Variants in POM121C observed in about 807,000 individuals in gnomAD.
POM121C encodes POM121 transmembrane nucleoporin C.
POM121C carries 20 observed loss-of-function variants against 66.4 expected under a neutral mutation model. The ratio of observed to expected loss-of-function variants is 0.30; its 90% CI spans 0.21 to 0.44. The LOEUF (loss-of-function observed/expected upper bound fraction) is 0.44. Among genes scored for constraint, POM121C ranks in the 20% least tolerant of loss-of-function variants. The pLI, the probability that POM121C is intolerant of heterozygous loss-of-function variation, is 1.00. For missense variants in POM121C, 580 were observed against 1,225.7 expected, an observed-to-expected ratio of 0.47 and a Z score of 7.87; for synonymous variants, 286 against 528.0, an observed-to-expected ratio of 0.54 and a Z score of 6.28.
Position 75,422,028 on chromosome 7 carries a change from T to C in POM121C, c.2224A>G (p.Thr742Ala), listed in dbSNP as rs115572784. ...FGNSAAPAPA[T>A]APTPAPASTI... is the part of the protein sequence containing the mutation. The stretch of plus-strand genomic sequence containing the variant: ...GACGCAGGTGCAGGTGTGGGTGCAG[T>C]AGCCGGGGCCGGGGCTGCAGAGTTT... The change falls in exon 13 of 15, where the codon ACT becomes GCT. Residue 742 changes from threonine (T) to alanine (A), a missense_variant. Transcript: ENST00000615331. The C allele has an allele frequency of 5.1e-3, 8,241 of 1,603,442 alleles. 153 individuals carry two copies. The highest frequency in any genetic ancestry group is 0.048 in the East Asian group (2,152 of 44,544).
In POM121C at chr7:75,475,881, A is replaced by G. The variant is rs1423819861; in HGVS notation, c.-457-693T>C. On this transcript the variant is annotated intron_variant, in intron 1 of 14. Transcript: ENST00000615331. ...AGATTAGGCTTCACAGACTCAGTTA[A>G]CTTGAAGTCCTTAAAGATGAATTGT... is the stretch of plus-strand genomic sequence containing the variant. Among the ~76,000 whole-genome samples the G allele has an allele frequency of 1.7e-4, 26 of 152,144 alleles. 1 individual carries two copies. Among genetic ancestry groups the G allele is most frequent in the Non-Finnish European group, 7.4e-5 (5 of 68,022 alleles).
chr7:75,443,199 T>C (rs587695760), intron 3 of POM121C, among the ~76,000 whole-genome samples: 40 of 152,362 alleles, frequency 2.6e-4, no homozygotes, highest in South Asian at 4.1e-4. Flanking sequence ...GGCCCAGATA[T>C]CGGGTGGATT....
chr7:75,426,797 C>CAAAAAAAAAAA (rs543569250), intron 7 of POM121C, among the ~76,000 whole-genome samples: 1 of 61,106 alleles, frequency 1.6e-5, no homozygotes, highest in African/African-American at 5.8e-5. Context: ...GACCCTGTCT[C>CAAAAAAAAAAA]AAAAAAAAAA....
At position 75,418,457 on chromosome 7, in the gene POM121C, G is replaced by T. The variant is rs1396517872; in HGVS notation, c.*339C>A. ...GCCCCCTCCAGCGACGACGGCTCTCGGGGAAAGGTGGAAGGGGCGCCTGCC... is the reference window on the plus strand; with the variant it reads ...GCCCCCTCCAGCGACGACGGCTCTCTGGGAAAGGTGGAAGGGGCGCCTGCC... On this transcript the variant is annotated 3_prime_UTR_variant, in exon 15 of 15. Transcript: ENST00000615331. The T allele has an allele frequency of 9.5e-6, 10 of 1,055,144 alleles. No individual in the cohort carries two copies. Among genetic ancestry groups the T allele is most frequent in the African/African-American group, 3.4e-5 (2 of 59,306 alleles). 65.4% of individuals were successfully genotyped at this position (1,055,144 alleles called of 1,614,324 possible). A position where few individuals can be genotyped will look rare whatever the true frequency, so the allele number is the denominator to read the frequency against.
intron 13 of POM121C, chr7:75,421,147 G>T: frequency 2.7e-6 from 1 of 370,122 alleles, no homozygotes; most frequent in Non-Finnish European, 4.9e-6. Flanking sequence ...CTAATTTTTT[G>T]GTATTTTTAG....
intron 3 of POM121C, among the ~76,000 whole-genome samples, chr7:75,465,895 C>CAAAAAAAA (rs35108311): frequency 6.6e-5 from 1 of 15,222 alleles, no homozygotes; most frequent in Non-Finnish European, 1.1e-4. Context: ...CACCCTGTCT[C>CAAAAAAAA]AAAAAAAAAA....
At chr7:75,479,541 A>G (rs10252236) in intron 1 of POM121C, among the ~76,000 whole-genome samples, 3,892 of 135,326 alleles carry the variant, frequency 0.029, 167 homozygotes, top group African/African-American at 0.074. Flanking sequence ...ACTTGAACCC[A>G]GGAGGCAGAG....
At position 75,421,520 on chromosome 7, in the gene POM121C, G is replaced by C. The variant is rs1159678295; in HGVS notation, c.2732C>G (p.Pro911Arg). 9 of 1,610,846 alleles carry C rather than the reference G, an allele frequency of 5.6e-6. No homozygotes were observed. The highest frequency in any genetic ancestry group is 4.4e-4 in the Middle Eastern group (2 of 4,560). Reference sequence around the variant, plus strand: ...ACGCCCCTCCTTACCTCCAAACACAGGTTTGCTCTCAGTTGTGCTGCCCAC... The same window carrying C: ...ACGCCCCTCCTTACCTCCAAACACACGTTTGCTCTCAGTTGTGCTGCCCAC... The part of the protein sequence containing the change: ...FNVGSTTESK[P>R]VFGGTATPTF... Residue 911 changes from proline to arginine, a missense_variant, in exon 13 of 15, where the codon CCT becomes CGT. Pro to Arg is a moderately radical substitution (Grantham distance 103). Transcript: ENST00000615331.
intron 1 of POM121C, among the ~76,000 whole-genome samples, chr7:75,478,299 G>A (rs1467649953): frequency 1.3e-5 from 2 of 152,120 alleles, no homozygotes; most frequent in Non-Finnish European, 2.9e-5. Flanking sequence ...CTGATTATCA[G>A]GCAGTAGAGT....
intron 7 of POM121C, among the ~76,000 whole-genome samples, chr7:75,433,727 C>T (rs1554472683): frequency 6.6e-6 from 1 of 152,232 alleles, no homozygotes; most frequent in Admixed American, 6.5e-5. Context: ...TTATATAATT[C>T]CTTTGAGATC....
At chr7:75,478,287 C>A (rs2116541394) in intron 1 of POM121C, among the ~76,000 whole-genome samples, 1 of 152,058 alleles carries the variant, frequency 6.6e-6, no homozygotes, top group East Asian at 1.9e-4. Flanking sequence ...GTTTTCAAGG[C>A]ACTGATTATC....
chr7:75,468,315 T>TTC (rs1791750527), intron 3 of POM121C, among the ~76,000 whole-genome samples: 4 of 129,508 alleles, frequency 3.1e-5, no homozygotes, highest in African/African-American at 1.2e-4. Flanking sequence ...GACTCCAGCT[T>TTC]TTTTTTTTTT....
rs1790690069 is a variant in POM121C at position 75,442,473 on chromosome 7, C to G, written c.-151-826G>C. 4.2e-6 allele frequency: 6 copies of G among 1,413,522 alleles called. No individual in the cohort carries two copies. The East Asian group carries it at 8.2e-5, about 19-fold the overall frequency. The allele number at this position is 1,413,522 out of a possible 1,614,324, so 87.6% of individuals were successfully genotyped here. On this transcript the variant is annotated intron_variant, in intron 3 of 14. Transcript: ENST00000615331. ...GTTCGCCGATGTCGCGCCTTCTGAACGAAGGAGGACAAGGGGCGCGAACCT... is the reference window on the plus strand; with the variant it reads ...GTTCGCCGATGTCGCGCCTTCTGAAGGAAGGAGGACAAGGGGCGCGAACCT...
chr7:75,424,199 T>C lies in POM121C; in HGVS notation c.898A>G (p.Thr300Ala). 2 of 1,611,752 alleles carry C rather than the reference T, an allele frequency of 1.2e-6. No individual in the cohort carries two copies. The highest frequency in any genetic ancestry group is 1.7e-6 in the Non-Finnish European group (2 of 1,179,792). The change falls in exon 12 of 15, where the codon ACC becomes GCC. Residue 300 changes from threonine to alanine, a missense_variant. Thr to Ala is a moderately conservative substitution (Grantham distance 58). Transcript: ENST00000615331. The part of the protein sequence containing the change: ...SDAASNSVTE[T>A]PPTTQPSFTF... Reference sequence around the variant, plus strand: ...AATGAAGGCTGAGTGGTAGGTGGGGTCTCAGTGACAGAGTTCGAGGCAGCA... The same window carrying C: ...AATGAAGGCTGAGTGGTAGGTGGGGCCTCAGTGACAGAGTTCGAGGCAGCA...
At chr7:75,437,028 C>A (rs1375430349) in intron 7 of POM121C, among the ~76,000 whole-genome samples, 3 of 152,236 alleles carry the variant, frequency 2.0e-5, no homozygotes, top group African/African-American at 7.2e-5. Flanking sequence ...TGTTTAAAAA[C>A]CCTGCGCTCA....
chr7:75,443,461 C>T (rs1790736270), intron 3 of POM121C, among the ~76,000 whole-genome samples: 1 of 152,014 alleles, frequency 6.6e-6, no homozygotes, highest in African/African-American at 2.4e-5. Context: ...GGTAGTCTGC[C>T]AATACACTTT....
At chr7:75,473,138 G>C (rs1791938000) in intron 3 of POM121C, among the ~76,000 whole-genome samples, 1 of 152,190 alleles carries the variant, frequency 6.6e-6, no homozygotes, top group Non-Finnish European at 1.5e-5. Flanking sequence ...TTTATCATCA[G>C]ACATTCTGAG....
chr7:75,450,642 C>T (rs1214427394), intron 3 of POM121C, among the ~76,000 whole-genome samples: 1 of 152,226 alleles, frequency 6.6e-6, no homozygotes, highest in Non-Finnish European at 1.5e-5. Flanking sequence ...TGAACACATG[C>T]TAAAAGAATC....
At chr7:75,455,372 G>A (rs1266942868) in intron 3 of POM121C, among the ~76,000 whole-genome samples, 2 of 152,044 alleles carry the variant, frequency 1.3e-5, no homozygotes, top group Non-Finnish European at 2.9e-5. Context: ...TCGGCTCACT[G>A]CAACTTCTGC....
Sources: gnomAD v4.1 joint callset for allele counts (sites outside exome capture counted in the v4.1 genomes callset) on GRCh38, gnomAD v4.1.1 for gene constraint, MANE v1.5 for transcripts, NCBI Gene and HGNC (gene_info 2026-07-23, HGNC 2026-07-21) for gene names.